YAP1: variants seen among roughly 807,000 people sequenced by gnomAD.
The protein encoded by YAP1 is transcriptional coactivator YAP1.
YAP1 carries 5 observed loss-of-function variants against 56.9 expected under a neutral mutation model. The ratio of observed to expected loss-of-function variants is 0.09; its 90% CI spans 0.05 to 0.18. YAP1 has a LOEUF of 0.18. YAP1 is among the 10% of genes least tolerant of loss of function. The probability of loss-of-function intolerance (pLI) is 1.00; values close to 1 mark genes in which losing one functional copy is unlikely to be tolerated. For synonymous variants in YAP1, 265 were observed against 248.1 expected (o/e 1.07, Z -0.64); for missense variants, 539 against 651.8 (o/e 0.83, Z 1.88).
At position 102,231,024 on chromosome 11, in the gene YAP1, CTGGT is replaced by C. The variant is rs1407494781; in HGVS notation, c.*1088_*1091del. The C allele has an allele frequency of 1.3e-5, 2 of 152,064 alleles. No individual in the cohort carries two copies. The highest frequency in any genetic ancestry group is 3.8e-4 in the East Asian group (2 of 5,200). 9.4% of individuals were successfully genotyped at this position (152,064 alleles called of 1,614,324 possible). On this transcript the variant is annotated 3_prime_UTR_variant, in exon 9 of 9. Transcript: ENST00000282441. The stretch of plus-strand genomic sequence containing the variant: ...TTTATATTTCACTGGTAGTTTAAAT[CTGGT>C]TGGGGCAGTCTGCAGATGTTTGAAG...
rs375951065 is a variant in YAP1, at chr11:102,204,435, T to C, written c.803-1458T>C. The stretch of plus-strand genomic sequence containing the variant: ...GATATGACCCATACTCCTGTGGCAC[T>C]CAGTCTGAGGGAGCATATAAATTTG... On this transcript the variant is annotated intron_variant, in intron 4 of 8. Transcript: ENST00000282441. Among the ~76,000 whole-genome samples the C allele has an allele frequency of 1.2e-4, 19 of 152,272 alleles. No individual in the cohort carries two copies. In the South Asian group the frequency reaches 3.9e-3, roughly 32 times the overall value.
In YAP1 at chr11:102,182,799, C is replaced by G. The variant is rs971610068; in HGVS notation, c.689-3219C>G. On this transcript the variant is annotated intron_variant, in intron 3 of 8. Coordinates refer to ENST00000282441, the MANE Select transcript of YAP1 (RefSeq NM_001130145.3). The stretch of plus-strand genomic sequence containing the variant: ...GAAAGTATCCTATTTTGGGCCATCT[C>G]TTTCCATATAACATTATATTTTACC... Among the ~76,000 whole-genome samples the G allele has an allele frequency of 2.0e-5, 3 of 151,194 alleles. No individual in the cohort carries two copies. The South Asian group carries it at 6.4e-4, about 32-fold the overall frequency.
intron 2 of YAP1, among the ~76,000 whole-genome samples, chr11:102,131,322 A>G (rs1274394575): frequency 6.6e-6 from 1 of 152,202 alleles, no homozygotes; most frequent in Non-Finnish European, 1.5e-5. Flanking sequence ...ACACCTATGT[A>G]GTGGTTTTAT....
rs112773705 is a variant in YAP1, at chr11:102,110,762, C to T, written c.-87C>T. ...GCCCGGCCCGCAGCCGTCGCCGCTTCTCCACCTCGGCCCGTGGAGCCGGGG... is the reference window on the plus strand; with the variant it reads ...GCCCGGCCCGCAGCCGTCGCCGCTTTTCCACCTCGGCCCGTGGAGCCGGGG... On this transcript the variant is annotated 5_prime_UTR_variant, in exon 1 of 9. Coordinates refer to ENST00000282441, the MANE Select transcript of YAP1 (RefSeq NM_001130145.3). The T allele has an allele frequency of 3.8e-3, 4,548 of 1,190,330 alleles. 133 individuals are homozygous for T. In the African/African-American group the frequency reaches 0.065, roughly 17 times the overall value. The allele number at this position is 1,190,330 out of a possible 1,614,324, so 73.7% of individuals were successfully genotyped here.
At position 102,184,084 on chromosome 11, in the gene YAP1, AAAAAAAAAAAAG is replaced by A. The variant is rs1419712990; in HGVS notation, c.689-1930_689-1919del. ...AGAGCGAGACTCCGTCTCAAAAAAAAAAAAAAAAAAAGAAAGCTACAATGAGATCTTGGGGTT... is the reference window on the plus strand; with the variant it reads ...AGAGCGAGACTCCGTCTCAAAAAAAAAAAGCTACAATGAGATCTTGGGGTT... On this transcript the variant is annotated intron_variant, in intron 3 of 8. Transcript: ENST00000282441. 2.7e-5 allele frequency among the ~76,000 whole-genome samples: 4 copies of A among 147,772 alleles called. No individual in the cohort carries two copies. The East Asian group carries it at 6.2e-4, about 23-fold the overall frequency.
intron 6 of YAP1, among the ~76,000 whole-genome samples, chr11:102,221,999 A>G (rs1002830067): frequency 1.3e-5 from 2 of 151,920 alleles, no homozygotes; most frequent in East Asian, 3.9e-4. Flanking sequence ...GAATTCTGTC[A>G]TGGTCCGCTG....
chr11:102,186,431 A>G, intron 4 of YAP1: 1 of 306,320 alleles, frequency 3.3e-6, no homozygotes, highest in Non-Finnish European at 6.1e-6. Context: ...TGTTTTTAAA[A>G]TGTTTTTTTT....
Position 102,232,272 on chromosome 11 carries a change from A to G in YAP1, c.*2332A>G, listed in dbSNP as rs1950457421. On this transcript the variant is annotated 3_prime_UTR_variant, in exon 9 of 9. Coordinates refer to ENST00000282441, the MANE Select transcript of YAP1 (RefSeq NM_001130145.3). ...AGCTTTAGCTTAGGGGGAGGGTGGGAAAGTTTGGGGGGGGGGTTGTGAAGA... is the reference window on the plus strand; with the variant it reads ...AGCTTTAGCTTAGGGGGAGGGTGGGGAAGTTTGGGGGGGGGGTTGTGAAGA... The G allele has an allele frequency of 8.2e-6, 1 of 122,136 alleles. No individual in the cohort carries two copies. Among genetic ancestry groups the G allele is most frequent in the African/African-American group, 3.2e-5 (1 of 31,178 alleles). The allele number at this position is 122,136 out of a possible 1,614,324, so 7.6% of individuals were successfully genotyped here.
At position 102,232,363 on chromosome 11, in the gene YAP1, C is replaced by T. The variant is rs1292654942; in HGVS notation, c.*2423C>T. On this transcript the variant is annotated 3_prime_UTR_variant, in exon 9 of 9. Coordinates refer to ENST00000282441, the MANE Select transcript of YAP1 (RefSeq NM_001130145.3). ...TCTTTAATAAAGACTTGTCTTACAC[C>T]GTGCTGCCATTAAAGGCAGCTGTTC... is the stretch of plus-strand genomic sequence containing the variant. 6.6e-6 allele frequency: 1 copy of T among 152,006 alleles called. No individual in the cohort carries two copies. The highest frequency in any genetic ancestry group is 1.9e-4 in the East Asian group (1 of 5,198). 9.4% of individuals were successfully genotyped at this position (152,006 alleles called of 1,614,324 possible). A position where few individuals can be genotyped will look rare whatever the true frequency, so the allele number is the denominator to read the frequency against.
intron 3 of YAP1, among the ~76,000 whole-genome samples, chr11:102,172,612 T>G (rs549975285): frequency 2.0e-5 from 3 of 152,124 alleles, no homozygotes; most frequent in Admixed American, 2.0e-4. Flanking sequence ...TTAGGGAGGT[T>G]CATTGATTTC....
chr11:102,130,102 G>A lies in YAP1; in HGVS notation c.572+15708G>A, dbSNP rs371433168. ...AGAAACCTTTTAAAACTGCATACAA[G>A]CAAAACCAGACCAGAGCACCATATA... On this transcript the variant is annotated intron_variant, in intron 2 of 8. Coordinates refer to ENST00000282441, the MANE Select transcript of YAP1 (RefSeq NM_001130145.3). Among the ~76,000 whole-genome samples, 31 of 152,126 alleles carry A rather than the reference G, an allele frequency of 2.0e-4. No homozygotes were observed. In the East Asian group the frequency reaches 4.5e-3, roughly 22 times the overall value.
At chr11:102,207,074 TCTA>T (rs1227885151) in intron 5 of YAP1, among the ~76,000 whole-genome samples, 1 of 152,170 alleles carries the variant, frequency 6.6e-6, no homozygotes, top group Non-Finnish European at 1.5e-5. Flanking sequence ...AGTGGTTAAA[TCTA>T]CTAAGTTCAG....
chr11:102,221,717 T>G (rs2135692522), intron 6 of YAP1, among the ~76,000 whole-genome samples: 1 of 151,522 alleles, frequency 6.6e-6, no homozygotes, highest in African/African-American at 2.4e-5. Context: ...AGTGAGACCC[T>G]GTCTCAAAAA....
At chr11:102,163,101 A>G (rs1206655789) in intron 3 of YAP1, among the ~76,000 whole-genome samples, 1 of 151,138 alleles carries the variant, frequency 6.6e-6, no homozygotes, top group African/African-American at 2.4e-5. Context: ...AATATTTCTT[A>G]TTCCCAGGGC....
intron 2 of YAP1, among the ~76,000 whole-genome samples, chr11:102,130,424 A>G (rs545149754): frequency 1.8e-4 from 28 of 152,202 alleles, no homozygotes; most frequent in African/African-American, 6.7e-4. Context: ...TGATTGATTG[A>G]CAGGCTCTCA....
At chr11:102,160,076 T>G (rs1290287255) in intron 2 of YAP1, among the ~76,000 whole-genome samples, 2 of 140,012 alleles carry the variant, frequency 1.4e-5, no homozygotes, top group African/African-American at 5.5e-5. Flanking sequence ...CAGGCTGGAG[T>G]GCAATGGCGT....
chr11:102,168,721 A>G (rs187856151), intron 3 of YAP1, among the ~76,000 whole-genome samples: 317 of 152,310 alleles, frequency 2.1e-3, no homozygotes, highest in Admixed American at 3.0e-3. Flanking sequence ...AGTGAGTAGT[A>G]TAGAGCTGCC....
chr11:102,134,918 G>A lies in YAP1; in HGVS notation c.572+20524G>A, dbSNP rs979640235. 1.2e-4 allele frequency among the ~76,000 whole-genome samples: 19 copies of A among 152,102 alleles called. No homozygotes were observed. The East Asian group carries it at 3.5e-3, about 28-fold the overall frequency. On this transcript the variant is annotated intron_variant, in intron 2 of 8. Coordinates refer to ENST00000282441, the MANE Select transcript of YAP1 (RefSeq NM_001130145.3). ...TTTGAGATGGAGTTTCACTATTTTT[G>A]CCCAGGTTGGAGTGCAGTGGCGCAG... is the stretch of plus-strand genomic sequence containing the variant.
intron 4 of YAP1, among the ~76,000 whole-genome samples, chr11:102,193,818 G>T (rs1274401762): frequency 1.3e-5 from 2 of 151,766 alleles, no homozygotes; most frequent in African/African-American, 4.8e-5. Flanking sequence ...ATAGTTTTTT[G>T]GGGGTTTTTT....
Sources: allele counts gnomAD v4.1 joint callset (sites outside exome capture counted in the v4.1 genomes callset), GRCh38; gene constraint gnomAD v4.1.1; transcripts MANE v1.5; gene names NCBI Gene and HGNC (gene_info 2026-07-23, HGNC 2026-07-21).